RAB27B: variants seen among roughly 807,000 people sequenced by gnomAD.
RAB27B encodes the protein RAB27B, member RAS oncogene family, also known as ras-related protein Rab-27B.
A neutral mutation model predicts 24.6 loss-of-function variants in RAB27B; 15 were observed. That is an observed-to-expected ratio of 0.61 (90% confidence interval 0.41 to 0.94). The LOEUF (loss-of-function observed/expected upper bound fraction) is 0.94, where lower values mean the gene tolerates loss of function less well. RAB27B is among the 40% of genes least tolerant of loss of function. RAB27B has a pLI of 0.00. For synonymous variants in RAB27B, 105 were observed against 92.5 expected, an observed-to-expected ratio of 1.14 and a Z score of -0.78; for missense variants, 261 against 266.8, an observed-to-expected ratio of 0.98 and a Z score of 0.15.
At chr18:54,867,979 C>T (rs1912308307) in intron 1 of RAB27B, among the ~76,000 whole-genome samples, 1 of 152,152 alleles carries the variant, frequency 6.6e-6, no homozygotes, top group Non-Finnish European at 1.5e-5. Flanking sequence ...GATTTGTCTC[C>T]ATCCAAATCT....
At chr18:54,834,418 A>C (rs1206303053) in intron 1 of RAB27B, among the ~76,000 whole-genome samples, 2 of 152,156 alleles carry the variant, frequency 1.3e-5, no homozygotes, top group Non-Finnish European at 2.9e-5. Context: ...CAGTCTCCTT[A>C]AGGATCTTGA....
At chr18:54,789,249 T>C (rs1386314466) in intron 2 of RAB27B, among the ~76,000 whole-genome samples, 1 of 152,210 alleles carries the variant, frequency 6.6e-6, no homozygotes, top group African/African-American at 2.4e-5. Context: ...CATTGAAACA[T>C]ATTATTTCTG....
chr18:54,834,661 G>A (rs1460802648), intron 1 of RAB27B, among the ~76,000 whole-genome samples: 1 of 113,490 alleles, frequency 8.8e-6, no homozygotes, highest in African/African-American at 3.2e-5. Flanking sequence ...ACATAAATCT[G>A]TGTGCATAAG....
chr18:54,718,387 TG>T (rs1909256392), intron 2 of RAB27B, among the ~76,000 whole-genome samples: 1 of 152,166 alleles, frequency 6.6e-6, no homozygotes, highest in Non-Finnish European at 1.5e-5. Flanking sequence ...TGAGTTTGAA[TG>T]GGAAAGAGAT....
In RAB27B at chr18:54,725,548, T is replaced by G. The variant is rs185737221; in HGVS notation, c.-20+7407T>G. Among the ~76,000 whole-genome samples, 13 of 151,692 alleles carry G rather than the reference T, an allele frequency of 8.6e-5. 1 individual carries two copies. Among genetic ancestry groups the G allele is most frequent in the African/African-American group, 3.1e-4 (13 of 41,444 alleles). On this transcript the variant is annotated intron_variant, in intron 2 of 4. Coordinates refer to the RAB27B transcript ENST00000586570. ...CTATAAAGAACCGCCCAAGACTGGG[T>G]AATTTATAAAGGAAAGAGGTTTAAT...
chr18:54,833,187 AAAG>A (rs1195481226), intron 1 of RAB27B, among the ~76,000 whole-genome samples: 1 of 151,980 alleles, frequency 6.6e-6, no homozygotes, highest in African/African-American at 2.4e-5. Context: ...AGCAGTGAAT[AAAG>A]AAGGGTCATC....
Position 54,746,593 on chromosome 18 carries a change from A to C in RAB27B, c.-20+28452A>C, listed in dbSNP as rs145428817. ...ACTCTTTTCGTCTTTGGAGGCATTC[A>C]AGCTTACTATTAAGATAGAGAGGCT... On this transcript the variant is annotated intron_variant, in intron 2 of 4. Coordinates refer to the RAB27B transcript ENST00000586570. Among the ~76,000 whole-genome samples the C allele has an allele frequency of 3.3e-5, 5 of 152,286 alleles. 1 individual carries two copies. In the East Asian group the frequency reaches 7.7e-4, roughly 23 times the overall value.
At chr18:54,797,392 G>C (rs1266999493) in intron 2 of RAB27B, among the ~76,000 whole-genome samples, 3 of 152,112 alleles carry the variant, frequency 2.0e-5, no homozygotes, top group Non-Finnish European at 4.4e-5. Context: ...CAGGTGTGGT[G>C]GTATGTGCCT....
At chr18:54,875,978 T>A (rs550410957) in intron 1 of RAB27B, among the ~76,000 whole-genome samples, 1 of 152,200 alleles carries the variant, frequency 6.6e-6, no homozygotes, top group Non-Finnish European at 1.5e-5. Flanking sequence ...TCCATTTTCA[T>A]ACTGCTATAG....
chr18:54,852,471 T>G (rs1911626238), intron 1 of RAB27B, among the ~76,000 whole-genome samples: 1 of 152,210 alleles, frequency 6.6e-6, no homozygotes, highest in Non-Finnish European at 1.5e-5. Flanking sequence ...GGAAAATGGT[T>G]GAGAACAGCT....
chr18:54,852,998 T>C (rs1911646385), intron 1 of RAB27B, among the ~76,000 whole-genome samples: 1 of 152,200 alleles, frequency 6.6e-6, no homozygotes, highest in African/African-American at 2.4e-5. Context: ...CCTGATAATA[T>C]TATCTTCCAG....
chr18:54,797,216 T>C (rs1284019975), intron 2 of RAB27B, among the ~76,000 whole-genome samples: 4 of 152,196 alleles, frequency 2.6e-5, no homozygotes, highest in African/African-American at 7.2e-5. Context: ...TCTCTTAAAA[T>C]GCAAAAGTGG....
At chr18:54,766,553 G>A (rs1033837260) in intron 2 of RAB27B, among the ~76,000 whole-genome samples, 5 of 151,836 alleles carry the variant, frequency 3.3e-5, no homozygotes, top group Non-Finnish European at 7.4e-5. Context: ...GATTAAATAC[G>A]TGCTAAAATA....
chr18:54,817,716 A>T (rs1462485098), intron 2 of RAB27B, among the ~76,000 whole-genome samples: 1 of 151,810 alleles, frequency 6.6e-6, no homozygotes, highest in African/African-American at 2.4e-5. Flanking sequence ...GACCCATCCC[A>T]TCCACCTTCT....
At chr18:54,781,248 A>G (rs1908908125) in intron 2 of RAB27B, among the ~76,000 whole-genome samples, 1 of 152,016 alleles carries the variant, frequency 6.6e-6, no homozygotes, top group Non-Finnish European at 1.5e-5. Context: ...TAGAAGGCCA[A>G]ACTACCTGTC....
intron 1 of RAB27B, among the ~76,000 whole-genome samples, chr18:54,840,012 A>G (rs1377577741): frequency 6.6e-6 from 1 of 152,250 alleles, no homozygotes; most frequent in African/African-American, 2.4e-5. Flanking sequence ...GAAATAATAT[A>G]TCCTCAGATT....
intron 1 of RAB27B, among the ~76,000 whole-genome samples, chr18:54,854,432 T>C (rs1286522958): frequency 6.6e-6 from 1 of 152,224 alleles, no homozygotes; most frequent in Non-Finnish European, 1.5e-5. Context: ...TCTTTTCCGT[T>C]AACCATTCAA....
intron 1 of RAB27B, among the ~76,000 whole-genome samples, chr18:54,855,220 T>C (rs7505911): frequency 0.94 from 143,731 of 152,176 alleles, 68,416 homozygotes; most frequent in East Asian, 1. Flanking sequence ...TGACAGGAGG[T>C]GGAGCTCAGA....
intron 2 of RAB27B, 120 bp downstream of exon 2, chr18:54,877,858 A>G (rs2145272444): frequency 1.0e-6 from 1 of 1,004,290 alleles, no homozygotes; most frequent in East Asian, 3.1e-5. Flanking sequence ...ATAACCTGTC[A>G]TTTTAATTTA....
Sources: gnomAD v4.1 joint callset for allele counts (sites outside exome capture counted in the v4.1 genomes callset) on GRCh38, gnomAD v4.1.1 for gene constraint, MANE v1.5 for transcripts, NCBI Gene and HGNC (gene_info 2026-07-23, HGNC 2026-07-21) for gene names.